TMEM132D: variants seen among roughly 807,000 people sequenced by gnomAD.
The protein encoded by TMEM132D is transmembrane protein 132D, also known as mature OL transmembrane protein.
A neutral mutation model predicts 62.3 loss-of-function variants in TMEM132D; 21 were observed. The ratio of observed to expected loss-of-function variants is 0.34; its 90% CI spans 0.24 to 0.49. TMEM132D has a LOEUF of 0.49. Among genes scored for constraint, TMEM132D ranks in the 20% least tolerant of loss-of-function variants. The pLI, the probability that TMEM132D is intolerant of heterozygous loss-of-function variation, is 0.99. For synonymous variants in TMEM132D, 621 were observed against 575.6 expected (o/e 1.08, Z -1.13); for missense variants, 1,346 against 1,402.8 (o/e 0.96, Z 0.65).
At chr12:129,860,807 AG>A (rs1873870667) in intron 1 of TMEM132D, among the ~76,000 whole-genome samples, 1 of 152,328 alleles carries the variant, frequency 6.6e-6, no homozygotes, top group African/African-American at 2.4e-5. Flanking sequence ...GGGCAGCAGG[AG>A]AAAGAAGAAT....
At chr12:129,543,479 TA>T (rs1876649178) in intron 2 of TMEM132D, among the ~76,000 whole-genome samples, 1 of 152,136 alleles carries the variant, frequency 6.6e-6, no homozygotes, top group South Asian at 2.1e-4. Context: ...AAGTTGAAAA[TA>T]TCATAATTGA....
At chr12:129,234,717 C>T (rs909808757) in intron 4 of TMEM132D, among the ~76,000 whole-genome samples, 2 of 152,128 alleles carry the variant, frequency 1.3e-5, no homozygotes, top group Admixed American at 1.3e-4. Context: ...ATACTAATGA[C>T]TTATATATGT....
chr12:129,638,566 C>CAGATATAAATTATATATAA (rs1879552396), intron 2 of TMEM132D, among the ~76,000 whole-genome samples: 3 of 109,752 alleles, frequency 2.7e-5, no homozygotes, highest in African/African-American at 9.8e-5. Context: ...AATATATAAA[C>CAGATATAAATTATATATAA]ATATATAAAT....
At chr12:129,231,758 G>C (rs1307568688) in intron 4 of TMEM132D, among the ~76,000 whole-genome samples, 3 of 152,144 alleles carry the variant, frequency 2.0e-5, no homozygotes, top group Non-Finnish European at 2.9e-5. Flanking sequence ...AGCTGAAATG[G>C]TGACCCTAAC....
intron 3 of TMEM132D, among the ~76,000 whole-genome samples, chr12:129,506,744 A>G (rs2137071092): frequency 6.6e-6 from 1 of 152,320 alleles, no homozygotes; most frequent in South Asian, 2.1e-4. Context: ...AAGACCTGGA[A>G]CTACAAAAAT....
intron 2 of TMEM132D, among the ~76,000 whole-genome samples, chr12:129,588,767 T>G (rs10847909): frequency 9.3e-6 from 1 of 107,598 alleles, no homozygotes; most frequent in Non-Finnish European, 2.0e-5. Context: ...TTTTTTTTTG[T>G]ATTTTTAGTA....
intron 2 of TMEM132D, among the ~76,000 whole-genome samples, chr12:129,613,860 A>C (rs893216249): frequency 2.0e-5 from 3 of 149,242 alleles, no homozygotes; most frequent in African/African-American, 7.5e-5. Flanking sequence ...CCAGAACCCA[A>C]CCAGCTCCAG....
chr12:129,786,813 C>T (rs947195937), intron 1 of TMEM132D, among the ~76,000 whole-genome samples: 29 of 152,260 alleles, frequency 1.9e-4, no homozygotes, highest in South Asian at 8.3e-4. Flanking sequence ...ATCGCTTGAA[C>T]CCGGGAGGTG....
chr12:129,367,779 T>G (rs1448305258), intron 3 of TMEM132D, among the ~76,000 whole-genome samples: 1 of 11,822 alleles, frequency 8.5e-5, no homozygotes, highest in African/African-American at 6.0e-4. Flanking sequence ...TTTCTTTTCT[T>G]TTTTTTTTTT....
intron 5 of TMEM132D, among the ~76,000 whole-genome samples, chr12:129,162,665 T>C (rs923472408): frequency 2.0e-5 from 3 of 152,032 alleles, no homozygotes; most frequent in Non-Finnish European, 4.4e-5. Context: ...TTTGAAACTG[T>C]GTGGCACCTC....
At chr12:129,292,502 G>A (rs1397967670) in intron 4 of TMEM132D, among the ~76,000 whole-genome samples, 2 of 151,946 alleles carry the variant, frequency 1.3e-5, no homozygotes, top group African/African-American at 4.8e-5. Flanking sequence ...GAAGGGCCAG[G>A]GTTAATGACC....
intron 5 of TMEM132D, among the ~76,000 whole-genome samples, chr12:129,123,898 A>G (rs950588154): frequency 6.6e-6 from 1 of 152,130 alleles, no homozygotes; most frequent in Non-Finnish European, 1.5e-5. Context: ...TTACACCTTC[A>G]GCTTCCCTGT....
chr12:129,724,754 C>A (rs1868969450), intron 1 of TMEM132D, among the ~76,000 whole-genome samples: 1 of 152,034 alleles, frequency 6.6e-6, no homozygotes, highest in Non-Finnish European at 1.5e-5. Flanking sequence ...AACTCCTGAC[C>A]TCAGATGATC....
intron 2 of TMEM132D, among the ~76,000 whole-genome samples, chr12:129,617,589 C>G (rs1440813676): frequency 6.6e-6 from 1 of 152,072 alleles, no homozygotes; most frequent in East Asian, 1.9e-4. Context: ...AAAGGAGCAG[C>G]AGTGCGGTTC....
At chr12:129,728,100 G>A (rs1345943049) in intron 1 of TMEM132D, among the ~76,000 whole-genome samples, 1 of 152,162 alleles carries the variant, frequency 6.6e-6, no homozygotes, top group Admixed American at 6.5e-5. Context: ...GAAGGATGGA[G>A]ACCCCATTGA....
At chr12:129,239,113 G>A (rs563564489) in intron 4 of TMEM132D, among the ~76,000 whole-genome samples, 1 of 148,636 alleles carries the variant, frequency 6.7e-6, no homozygotes, top group Non-Finnish European at 1.5e-5. Flanking sequence ...TCACGTGCTT[G>A]TTATTACCCA....
At chr12:129,429,465 C>A (rs1044536475) in intron 3 of TMEM132D, among the ~76,000 whole-genome samples, 1 of 152,146 alleles carries the variant, frequency 6.6e-6, no homozygotes, top group African/African-American at 2.4e-5. Context: ...GAGGCCCCCC[C>A]AGGGAGCTGG....
intron 2 of TMEM132D, among the ~76,000 whole-genome samples, chr12:129,584,587 A>T (rs891791626): frequency 6.6e-6 from 1 of 152,160 alleles, no homozygotes; most frequent in African/African-American, 2.4e-5. Flanking sequence ...GGTGGATGGA[A>T]TTGCTTTATC....
intron 1 of TMEM132D, among the ~76,000 whole-genome samples, chr12:129,791,586 A>T (rs552624811): frequency 6.6e-6 from 1 of 152,124 alleles, no homozygotes; most frequent in Non-Finnish European, 1.5e-5. Context: ...CAAGAGACAT[A>T]TTTTAATTTA....
Sources: gnomAD v4.1 joint callset for allele counts (sites outside exome capture counted in the v4.1 genomes callset) on GRCh38, gnomAD v4.1.1 for gene constraint, MANE v1.5 for transcripts, NCBI Gene and HGNC (gene_info 2026-07-23, HGNC 2026-07-21) for gene names.